The following CHRM3 variants were observed in gnomAD, a reference collection of about 807,000 sequenced individuals.
CHRM3 encodes muscarinic acetylcholine receptor M3.
In CHRM3, 11 loss-of-function variants were observed where a neutral mutation model predicts 41.8. That is an observed-to-expected ratio of 0.26 (90% confidence interval 0.17 to 0.44). The LOEUF (loss-of-function observed/expected upper bound fraction) is 0.44, where lower values mean the gene tolerates loss of function less well. Ranked by LOEUF, CHRM3 falls within the 20% of genes least tolerant of loss-of-function variation. The pLI, the probability that CHRM3 is intolerant of heterozygous loss-of-function variation, is 1.00. For synonymous variants in CHRM3, 297 were observed against 301.4 expected (o/e 0.99, Z 0.15); for missense variants, 571 against 745.4 (o/e 0.77, Z 2.72).
At chr1:239,631,055 G>A (rs1010641512) in intron 3 of CHRM3, among the ~76,000 whole-genome samples, 13 of 152,120 alleles carry the variant, frequency 8.5e-5, no homozygotes, top group African/African-American at 3.1e-4. Flanking sequence ...GCGCTAAAGA[G>A]AGGAAGAAGG....
At chr1:239,505,220 A>T (rs567642196) in intron 2 of CHRM3, among the ~76,000 whole-genome samples, 78 of 152,134 alleles carry the variant, frequency 5.1e-4, no homozygotes, top group Middle Eastern at 6.8e-3. Context: ...TAAGGTGTAG[A>T]GGAATGCTTG....
intron 5 of CHRM3, among the ~76,000 whole-genome samples, chr1:239,791,938 G>A (rs6679240): frequency 5.4e-4 from 82 of 152,280 alleles, no homozygotes; most frequent in African/African-American, 1.3e-3. Context: ...GTAAATATAC[G>A]TATTCAGTCT....
Position 239,915,256 on chromosome 1 carries a change from T to G in CHRM3, c.*6032T>G, listed in dbSNP as rs1423903251. On this transcript the variant is annotated 3_prime_UTR_variant, in exon 7 of 7. Transcript: ENST00000676153. ...ACATCTTTGCCAAAGGCACTGAATT[T>G]TACCTTTTTTTATTACCTCGTGGCC... 2 of 167,132 alleles carry G rather than the reference T, an allele frequency of 1.2e-5. No homozygotes were observed. Among genetic ancestry groups the G allele is most frequent in the Non-Finnish European group, 2.9e-5 (2 of 68,134 alleles). 10.4% of individuals were successfully genotyped at this position (167,132 alleles called of 1,614,324 possible). A position where few individuals can be genotyped will look rare whatever the true frequency, so the allele number is the denominator to read the frequency against.
intron 2 of CHRM3, among the ~76,000 whole-genome samples, chr1:239,532,059 C>T (rs1657642301): frequency 8.3e-6 from 1 of 120,528 alleles, no homozygotes; most frequent in South Asian, 2.8e-4. Context: ...GTCTCCCAGG[C>T]TGGAGTGCAG....
chr1:239,875,069 A>G (rs929647602), intron 6 of CHRM3, among the ~76,000 whole-genome samples: 3 of 152,212 alleles, frequency 2.0e-5, no homozygotes, highest in Admixed American at 2.0e-4. Context: ...TATCTGTGTG[A>G]CTAGCAAAAT....
intron 5 of CHRM3, among the ~76,000 whole-genome samples, chr1:239,816,443 G>A (rs1253564171): frequency 6.6e-6 from 1 of 152,022 alleles, no homozygotes; most frequent in African/African-American, 2.4e-5. Context: ...GCATCTATAT[G>A]TAAGATCTAT....
chr1:239,509,889 A>C (rs763028888), intron 2 of CHRM3, among the ~76,000 whole-genome samples: 3 of 152,138 alleles, frequency 2.0e-5, no homozygotes, highest in Non-Finnish European at 4.4e-5. Flanking sequence ...GGAGTTCGAG[A>C]CCAGCCTGGC....
chr1:239,544,920 A>ACTCT (rs1221092669), intron 2 of CHRM3, among the ~76,000 whole-genome samples: 2 of 152,224 alleles, frequency 1.3e-5, no homozygotes, highest in East Asian at 3.9e-4. Context: ...ATGGTAAAGC[A>ACTCT]GCACGTTCTA....
intron 5 of CHRM3, among the ~76,000 whole-genome samples, chr1:239,694,381 A>C (rs1659990881): frequency 6.6e-6 from 1 of 152,224 alleles, no homozygotes; most frequent in African/African-American, 2.4e-5. Context: ...CATTTCAGGC[A>C]TATGATTATG....
intron 1 of CHRM3, among the ~76,000 whole-genome samples, chr1:239,466,618 TATGTATTATAATATTATAATA>T (rs1202425250): frequency 2.6e-5 from 4 of 151,782 alleles, no homozygotes; most frequent in Non-Finnish European, 4.4e-5. Context: ...TTTCAATTAT[TATGTATTATAATATTATAATA>T]ATTTTATAGA....
intron 5 of CHRM3, among the ~76,000 whole-genome samples, chr1:239,823,677 A>C (rs1018468332): frequency 8.5e-5 from 13 of 152,150 alleles, no homozygotes; most frequent in Non-Finnish European, 1.6e-4. Flanking sequence ...GGATTAAATA[A>C]ATGATTTTTC....
chr1:239,622,426 A>G (rs1349646808), intron 3 of CHRM3, among the ~76,000 whole-genome samples: 2 of 152,232 alleles, frequency 1.3e-5, no homozygotes, highest in African/African-American at 2.4e-5. Flanking sequence ...GAAAGGATTC[A>G]CCATTCTAGA....
At chr1:239,552,627 ATATTATTATTAT>A (rs78726802) in intron 3 of CHRM3, among the ~76,000 whole-genome samples, 13 of 139,760 alleles carry the variant, frequency 9.3e-5, no homozygotes, top group Admixed American at 3.0e-4. Context: ...CACCTGACTA[ATATTATTATTAT>A]TATTATTATT....
intron 5 of CHRM3, among the ~76,000 whole-genome samples, chr1:239,808,647 A>C (rs1195927462): frequency 6.6e-6 from 1 of 152,208 alleles, no homozygotes; most frequent in African/African-American, 2.4e-5. Context: ...TCCTATAACT[A>C]GAAGTGGATC....
At chr1:239,895,967 G>A (rs897885058) in intron 6 of CHRM3, among the ~76,000 whole-genome samples, 2 of 152,044 alleles carry the variant, frequency 1.3e-5, no homozygotes, top group South Asian at 2.1e-4. Flanking sequence ...CCTGAACCTC[G>A]AGGTTAAAAA....
At chr1:239,879,344 C>T (rs1454649090) in intron 6 of CHRM3, among the ~76,000 whole-genome samples, 1 of 152,162 alleles carries the variant, frequency 6.6e-6, no homozygotes, top group Non-Finnish European at 1.5e-5. Flanking sequence ...GCTGGCCCAC[C>T]CTGCGAAGCA....
At chr1:239,800,491 T>C (rs1434476344) in intron 5 of CHRM3, among the ~76,000 whole-genome samples, 1 of 152,228 alleles carries the variant, frequency 6.6e-6, no homozygotes, top group East Asian at 1.9e-4. Flanking sequence ...TTGGAAATCA[T>C]CTAGTTCAAT....
chr1:239,845,014 G>A (rs1674147881), intron 6 of CHRM3, among the ~76,000 whole-genome samples: 1 of 152,164 alleles, frequency 6.6e-6, no homozygotes, highest in African/African-American at 2.4e-5. Context: ...TATTTCATCT[G>A]CCTTGACAGG....
chr1:239,906,962 A>G (rs1006616200), intron 6 of CHRM3, among the ~76,000 whole-genome samples: 5 of 152,206 alleles, frequency 3.3e-5, no homozygotes, highest in Non-Finnish European at 7.3e-5. Context: ...TAAGACTTAA[A>G]TGGCTGGTAT....
Sources: gnomAD v4.1 joint callset for allele counts (sites outside exome capture counted in the v4.1 genomes callset) on GRCh38, gnomAD v4.1.1 for gene constraint, MANE v1.5 for transcripts, NCBI Gene and HGNC (gene_info 2026-07-23, HGNC 2026-07-21) for gene names.